The following IQSEC1 variants were observed in gnomAD, a reference collection of about 807,000 sequenced individuals.
The protein encoded by IQSEC1 is IQ motif and SEC7 domain-containing protein 1.
A neutral mutation model predicts 91.0 loss-of-function variants in IQSEC1; 31 were observed. The observed-to-expected ratio is 0.34, with a 90% confidence interval of 0.26 to 0.46. The LOEUF (loss-of-function observed/expected upper bound fraction) is 0.46, where lower values mean the gene tolerates loss of function less well. Among genes scored for constraint, IQSEC1 ranks in the 20% least tolerant of loss-of-function variants. The pLI is 1.00. For synonymous variants in IQSEC1, 699 were observed against 662.6 expected (o/e 1.05, Z -0.84); for missense variants, 1,388 against 1,575.6 (o/e 0.88, Z 2.02).
chr3:13,037,109 T>TCTCTCTTTCTCTC, intron 1 of IQSEC1, among the ~76,000 whole-genome samples: 1 of 152,186 alleles, frequency 6.6e-6, no homozygotes, highest in Non-Finnish European at 1.5e-5. Context: ...CCTCTCTGAA[T>TCTCTCTTTCTCTC]CTCTCTTTCT....
At chr3:13,038,260 GTGTATATATATATA>G (rs1305720697) in intron 1 of IQSEC1, among the ~76,000 whole-genome samples, 68 of 62,376 alleles carry the variant, frequency 1.1e-3, no homozygotes, top group East Asian at 4.6e-3. Flanking sequence ...GTGTGTGTGT[GTGTATATATATATA>G]TATATATATA....
chr3:13,169,753 C>T (rs1487331424), intron 1 of IQSEC1, among the ~76,000 whole-genome samples: 8 of 152,156 alleles, frequency 5.3e-5, no homozygotes, highest in Non-Finnish European at 8.8e-5. Flanking sequence ...ATTTGTGGAA[C>T]TTTGAACTTG....
chr3:13,079,371 T>C (rs986610952), intron 2 of IQSEC1, among the ~76,000 whole-genome samples: 1 of 152,256 alleles, frequency 6.6e-6, no homozygotes, highest in East Asian at 1.9e-4. Context: ...CCCCATTTCC[T>C]GCCTGGAGGA....
At chr3:13,180,503 A>G (rs1693820517) in intron 1 of IQSEC1, among the ~76,000 whole-genome samples, 1 of 152,130 alleles carries the variant, frequency 6.6e-6, no homozygotes, top group South Asian at 2.1e-4. Context: ...ACCAATCAAC[A>G]GGATGTGGGT....
At chr3:13,238,461 C>T (rs916168249) in intron 1 of IQSEC1, among the ~76,000 whole-genome samples, 1 of 152,222 alleles carries the variant, frequency 6.6e-6, no homozygotes, top group African/African-American at 2.4e-5. Flanking sequence ...CAGCTGTGGC[C>T]TCCTCAGAGA....
At chr3:13,014,291 G>A (rs950165127) in intron 1 of IQSEC1, among the ~76,000 whole-genome samples, 8 of 152,186 alleles carry the variant, frequency 5.3e-5, no homozygotes, top group Non-Finnish European at 1.0e-4. Context: ...CCCCACAGAG[G>A]CCTGCTTCAC....
chr3:13,125,112 A>G (rs1706491956), intron 2 of IQSEC1, among the ~76,000 whole-genome samples: 1 of 152,108 alleles, frequency 6.6e-6, no homozygotes, highest in Non-Finnish European at 1.5e-5. Flanking sequence ...ACTCTACAGC[A>G]TGGTTTCTGC....
intron 1 of IQSEC1, among the ~76,000 whole-genome samples, chr3:13,248,040 GTTC>G (rs1559285863): frequency 6.6e-6 from 1 of 152,172 alleles, no homozygotes. Context: ...CCCCCTACAG[GTTC>G]TTAAGGTTCC....
intron 1 of IQSEC1, among the ~76,000 whole-genome samples, chr3:13,187,235 A>T (rs76621400): frequency 6.6e-6 from 1 of 152,130 alleles, no homozygotes; most frequent in Non-Finnish European, 1.5e-5. Context: ...AGGAGCTTGC[A>T]GTCTAGCTGG....
intron 1 of IQSEC1, among the ~76,000 whole-genome samples, chr3:13,060,713 C>T (rs1406229338): frequency 1.3e-5 from 2 of 152,190 alleles, no homozygotes; most frequent in Non-Finnish European, 2.9e-5. Flanking sequence ...AGCATCAGCC[C>T]TGCCCCCGGC....
At chr3:13,015,549 C>A (rs1472825533) in intron 1 of IQSEC1, 2 of 985,268 alleles carry the variant, frequency 2.0e-6, no homozygotes, top group Non-Finnish European at 2.4e-6. Context: ...GCTGAGGTCC[C>A]CTCCCCGGGC....
chr3:13,018,148 C>T (rs1559722453), intron 1 of IQSEC1, among the ~76,000 whole-genome samples: 1 of 152,254 alleles, frequency 6.6e-6, no homozygotes, highest in Non-Finnish European at 1.5e-5. Flanking sequence ...AACAAATGTC[C>T]TCGCGTCAGA....
At chr3:13,075,968 G>A (rs1383067525), upstream of IQSEC1, among the ~76,000 whole-genome samples, 1 of 152,116 alleles carries the variant, frequency 6.6e-6, no homozygotes, top group Admixed American at 6.5e-5. Flanking sequence ...CCAAGCCCTC[G>A]ACATCCAATC....
At chr3:13,015,090 A>G (rs1264989008) in intron 1 of IQSEC1, among the ~76,000 whole-genome samples, 1 of 152,118 alleles carries the variant, frequency 6.6e-6, no homozygotes. Flanking sequence ...AACACACCAA[A>G]TATGCTCCAG....
intron 1 of IQSEC1, among the ~76,000 whole-genome samples, chr3:13,216,875 G>C (rs9990102): frequency 0.2 from 30,427 of 152,082 alleles, 4,339 homozygotes; most frequent in African/African-American, 0.39. Context: ...ACATATGGAC[G>C]CTTTCTCCCG....
intron 3 of IQSEC1, among the ~76,000 whole-genome samples, chr3:12,932,780 G>T (rs1404248024): frequency 6.6e-6 from 1 of 152,174 alleles, no homozygotes; most frequent in African/African-American, 2.4e-5. Flanking sequence ...CCTGCCTCTG[G>T]CTCCTGCACC....
At chr3:13,242,882 T>C (rs56193489) in intron 1 of IQSEC1, among the ~76,000 whole-genome samples, 27,437 of 144,288 alleles carry the variant, frequency 0.19, 3,881 homozygotes, top group African/African-American at 0.41. Context: ...AGGGGGAGGG[T>C]GAGGAAAAAA....
At position 12,964,299 on chromosome 3, in the gene IQSEC1, T is replaced by TACACACACACACACACACACAC. The variant is rs3072719; in HGVS notation, c.24-22456_24-22435dup. ...CAACAGCATTTGAGCATACTCCCCC[T>TACACACACACACACACACACAC]ACACACACACACACACACACACACA... On this transcript the variant is annotated intron_variant, in intron 1 of 13. Transcript: ENST00000613206. Among the ~76,000 whole-genome samples the TACACACACACACACACACACAC allele has an allele frequency of 1.1e-3, 161 of 149,896 alleles. 1 individual carries two copies. Among genetic ancestry groups the TACACACACACACACACACACAC allele is most frequent in the Non-Finnish European group, 4.3e-4 (29 of 67,410 alleles).
intron 1 of IQSEC1, among the ~76,000 whole-genome samples, chr3:13,166,574 A>T (rs1343649566): frequency 6.6e-6 from 1 of 152,214 alleles, no homozygotes; most frequent in Non-Finnish European, 1.5e-5. Flanking sequence ...TCATTTGCGG[A>T]TTAGGGATGA....
Sources: gnomAD v4.1 joint callset for allele counts (sites outside exome capture counted in the v4.1 genomes callset) on GRCh38, gnomAD v4.1.1 for gene constraint, MANE v1.5 for transcripts, NCBI Gene and HGNC (gene_info 2026-07-23, HGNC 2026-07-21) for gene names.